The following MAMDC2 variants were observed in gnomAD, a reference collection of about 807,000 sequenced individuals.
MAMDC2 encodes the protein MAM domain-containing protein 2.
Under a neutral mutation model 89.8 loss-of-function variants are expected in MAMDC2, and 57 were observed. The ratio of observed to expected loss-of-function variants is 0.63; its 90% CI spans 0.51 to 0.79. The LOEUF is 0.79. MAMDC2 is among the 30% of genes least tolerant of loss of function. MAMDC2 has a pLI of 0.00. For missense variants in MAMDC2, 800 were observed against 820.6 expected (o/e 0.97, Z 0.31); for synonymous variants, 313 against 293.4 (o/e 1.07, Z -0.68).
intron 2 of MAMDC2, among the ~76,000 whole-genome samples, chr9:70,057,820 T>G (rs1827058216): frequency 6.6e-6 from 1 of 152,206 alleles, no homozygotes; most frequent in South Asian, 2.1e-4. Context: ...GGAAAAAGCC[T>G]GGAGAGAGAC....
intron 9 of MAMDC2, among the ~76,000 whole-genome samples, chr9:70,144,841 C>T (rs2031346240): frequency 6.6e-6 from 1 of 152,192 alleles, no homozygotes; most frequent in South Asian, 2.1e-4. Context: ...TGGATAGAAT[C>T]ATAGCTGTGT....
intron 5 of MAMDC2, among the ~76,000 whole-genome samples, chr9:70,116,897 C>T (rs2030027015): frequency 6.6e-6 from 1 of 152,084 alleles, no homozygotes; most frequent in Non-Finnish European, 1.5e-5. Context: ...CTCCCATCTC[C>T]CTCTCTCTAT....
intron 5 of MAMDC2, among the ~76,000 whole-genome samples, chr9:70,121,760 G>T (rs2975896): frequency 1.1e-4 from 16 of 150,844 alleles, no homozygotes; most frequent in African/African-American, 2.4e-5. Flanking sequence ...GGAAGCTCTA[G>T]AGCCCTATGC....
chr9:70,163,502 T>C (rs1316988412), intron 9 of MAMDC2, among the ~76,000 whole-genome samples: 1 of 151,998 alleles, frequency 6.6e-6, no homozygotes, highest in East Asian at 1.9e-4. Flanking sequence ...GCTGGGATTA[T>C]AGGCGTGAGC....
At chr9:70,212,238 G>GAGGC (rs888288529) in intron 11 of MAMDC2, among the ~76,000 whole-genome samples, 1 of 152,236 alleles carries the variant, frequency 6.6e-6, no homozygotes, top group East Asian at 1.9e-4. Context: ...GGAGTCTACA[G>GAGGC]AGGCAGGCAG....
At chr9:70,221,426 T>G (rs2033564378) in intron 12 of MAMDC2, among the ~76,000 whole-genome samples, 1 of 89,730 alleles carries the variant, frequency 1.1e-5, no homozygotes, top group Non-Finnish European at 2.2e-5. Context: ...AGATAACAAG[T>G]GCTATGAAGA....
At chr9:70,178,088 C>T (rs369825803) in intron 11 of MAMDC2, among the ~76,000 whole-genome samples, 11 of 152,162 alleles carry the variant, frequency 7.2e-5, no homozygotes, top group African/African-American at 2.4e-4. Context: ...TTGTCCTAGC[C>T]TCTAATGGTG....
chr9:70,052,604 C>G (rs1416089643), intron 2 of MAMDC2, among the ~76,000 whole-genome samples: 1 of 152,194 alleles, frequency 6.6e-6, no homozygotes, highest in Non-Finnish European at 1.5e-5. Context: ...ACCCTGTCAC[C>G]TCATCAGACT....
In MAMDC2 at chr9:70,126,389, G is replaced by A. The variant is rs377266288; in HGVS notation, c.874G>A (p.Glu292Lys). The A allele has an allele frequency of 5.0e-6, 8 of 1,613,662 alleles. No homozygotes were observed. The highest frequency in any genetic ancestry group is 3.3e-5 in the Admixed American group (2 of 59,980). Reference sequence around the variant, plus strand: ...TGCTGCCTGGAACCTTGCGGAGGTCGAGTTCAGTGCTCCTTACCCCATGGA... The same window carrying A: ...TGCTGCCTGGAACCTTGCGGAGGTCAAGTTCAGTGCTCCTTACCCCATGGA... The part of the protein sequence containing the change: ...GNAAWNLAEV[E>K]FSAPYPMEVI... Residue 292 changes from glutamate (E) to lysine (K), a missense_variant, in exon 6 of 14, where the codon GAG becomes AAG. Physicochemically the swap from Glu to Lys is moderately conservative, Grantham distance 56. Coordinates refer to ENST00000377182, the MANE Select transcript of MAMDC2 (RefSeq NM_153267.5).
At chr9:70,045,643 G>A (rs755778) in intron 2 of MAMDC2, among the ~76,000 whole-genome samples, 27,305 of 152,070 alleles carry the variant, frequency 0.18, 2,550 homozygotes, top group Non-Finnish European at 0.2. Context: ...CGGAACCCCT[G>A]GTTAGATGTA....
chr9:70,072,962 A>G (rs1198500310), intron 2 of MAMDC2, among the ~76,000 whole-genome samples: 1 of 152,070 alleles, frequency 6.6e-6, no homozygotes, highest in Admixed American at 6.5e-5. Context: ...CAGCCTCCCG[A>G]GTAGCTGGGA....
At chr9:70,096,309 C>T (rs955560066) in intron 2 of MAMDC2, among the ~76,000 whole-genome samples, 1 of 152,170 alleles carries the variant, frequency 6.6e-6, no homozygotes, top group African/African-American at 2.4e-5. Context: ...TGAGCCACTG[C>T]ACCAGTCTGG....
chr9:70,202,560 G>T (rs762710103), intron 11 of MAMDC2, among the ~76,000 whole-genome samples: 3 of 149,904 alleles, frequency 2.0e-5, no homozygotes, highest in Admixed American at 6.6e-5. Context: ...TTCTGTAGAT[G>T]TCTATTAGGT....
intron 8 of MAMDC2, among the ~76,000 whole-genome samples, chr9:70,141,391 G>A (rs1447033889): frequency 2.0e-5 from 3 of 152,242 alleles, no homozygotes; most frequent in South Asian, 2.1e-4. Flanking sequence ...AACTCCTGGG[G>A]AATACAATAG....
Position 70,094,693 on chromosome 9 carries a change from C to G in MAMDC2, c.149-13518C>G, listed in dbSNP as rs568114478. On this transcript the variant is annotated intron_variant, in intron 2 of 13. Transcript: ENST00000377182. ...GACTACCATCAGGAAGAAGTTTACC[C>G]ATTTATTTAAAAATATAGAAAGCAC... 1.3e-4 allele frequency among the ~76,000 whole-genome samples: 20 copies of G among 152,146 alleles called. No individual in the cohort carries two copies. The East Asian group carries it at 2.9e-3, about 22-fold the overall frequency.
chr9:70,052,842 T>C lies in MAMDC2; in HGVS notation c.148+8145T>C, dbSNP rs115513255. On this transcript the variant is annotated intron_variant, in intron 2 of 13. Coordinates refer to ENST00000377182, the MANE Select transcript of MAMDC2 (RefSeq NM_153267.5). ...GAAGGCTTATGCTGTAATTTCCAAA[T>C]ATAACAGCAAAGCAGTATTACAGCT... Among the ~76,000 whole-genome samples the C allele has an allele frequency of 5.9e-3, 901 of 152,348 alleles. 14 individuals are homozygous for C. The highest frequency in any genetic ancestry group is 0.021 in the African/African-American group (871 of 41,576).
chr9:70,222,321 T>C (rs571592446), intron 12 of MAMDC2, among the ~76,000 whole-genome samples: 38 of 152,328 alleles, frequency 2.5e-4, no homozygotes, highest in African/African-American at 9.1e-4. Context: ...TTTCTATGTC[T>C]ATTAGAAATC....
chr9:70,164,885 C>T (rs948431845), intron 9 of MAMDC2, among the ~76,000 whole-genome samples: 3 of 151,558 alleles, frequency 2.0e-5, no homozygotes, highest in African/African-American at 7.3e-5. Flanking sequence ...AGTGATCCTA[C>T]TGTCTCAGCC....
At chr9:70,064,387 C>T (rs1221210273) in intron 2 of MAMDC2, among the ~76,000 whole-genome samples, 1 of 152,114 alleles carries the variant, frequency 6.6e-6, no homozygotes. Context: ...TTAGCTCCCC[C>T]ATATGAATGA....
Sources: allele counts gnomAD v4.1 joint callset (sites outside exome capture counted in the v4.1 genomes callset), GRCh38; gene constraint gnomAD v4.1.1; transcripts MANE v1.5; gene names NCBI Gene and HGNC (gene_info 2026-07-23, HGNC 2026-07-21).